CDC42BPB: variants seen among roughly 807,000 people sequenced by gnomAD.
CDC42BPB encodes the protein serine/threonine-protein kinase MRCK beta.
A neutral mutation model predicts 214.9 loss-of-function variants in CDC42BPB; 37 were observed. The observed-to-expected ratio is 0.17, with a 90% CI of 0.13 to 0.23. The LOEUF (loss-of-function observed/expected upper bound fraction) is 0.23. Ranked by LOEUF, CDC42BPB falls within the 10% of genes least tolerant of loss-of-function variation. The pLI is 1.00. For synonymous variants in CDC42BPB, 931 were observed against 884.0 expected (o/e 1.05, Z -0.94); for missense variants, 1,694 against 2,227.0 (o/e 0.76, Z 4.82).
chr14:102,998,521 A>G (rs749885571), intron 5 of CDC42BPB, among the ~76,000 whole-genome samples: 6 of 152,250 alleles, frequency 3.9e-5, no homozygotes, highest in Non-Finnish European at 7.3e-5. Flanking sequence ...ACGAAAACCA[A>G]AACAAACCAC....
intron 19 of CDC42BPB, among the ~76,000 whole-genome samples, chr14:102,963,644 G>C (rs1408506811): frequency 6.6e-6 from 1 of 152,232 alleles, no homozygotes; most frequent in African/African-American, 2.4e-5. Flanking sequence ...TGCAGTTTGT[G>C]GGGGCTGGTC....
intron 1 of CDC42BPB, among the ~76,000 whole-genome samples, chr14:103,018,473 A>T (rs1008220193): frequency 6.6e-6 from 1 of 152,236 alleles, no homozygotes; most frequent in Non-Finnish European, 1.5e-5. Flanking sequence ...TAAGATAACA[A>T]TGGTGGCTTA....
Position 102,975,989 on chromosome 14 carries a change from A to G in CDC42BPB, c.1281T>C (p.Asp427=). ...GCTCCAGGTCCCGCTGCACATCCTC[A>G]TCTTTGGTTAATGTGTTGGACTGCA... ...SIMQSNTLTK[D]EDVQRDLEHS... Residue 427 remains aspartate, a synonymous_variant, in exon 10 of 37, where the codon GAT becomes GAC. Transcript: ENST00000361246. 1 of 1,614,216 alleles carries G rather than the reference A, an allele frequency of 6.2e-7. No homozygotes were observed. The highest frequency in any genetic ancestry group is 1.3e-5 in the African/African-American group (1 of 75,056).
intron 26 of CDC42BPB, 53 bp downstream of exon 26, chr14:102,949,712 A>C (rs1892394238): frequency 3.1e-6 from 5 of 1,608,348 alleles, no homozygotes; most frequent in East Asian, 4.5e-5. Flanking sequence ...CTTTTGGCTA[A>C]AGATAGCTGA....
chr14:102,942,908 G>T (rs1035763508), intron 30 of CDC42BPB, among the ~76,000 whole-genome samples: 1 of 152,030 alleles, frequency 6.6e-6, no homozygotes, highest in Non-Finnish European at 1.5e-5. Flanking sequence ...TCGCTCTGTT[G>T]TCCAGGCTAG....
chr14:102,950,665 C>A, intron 24 of CDC42BPB, 63 bp from the exon 25 acceptor site: 4 of 1,443,506 alleles, frequency 2.8e-6, no homozygotes, highest in Middle Eastern at 1.8e-4. Flanking sequence ...ACTGCAGAAC[C>A]TATGCCCTGA....
chr14:103,016,370 A>C (rs1407946145), intron 1 of CDC42BPB, among the ~76,000 whole-genome samples: 1 of 152,240 alleles, frequency 6.6e-6, no homozygotes. Flanking sequence ...GTCTCCCTCC[A>C]GCACCTGCTT....
rs150841775 is a variant in CDC42BPB, at chr14:103,038,622, G to A, written c.175+18377C>T. Among the ~76,000 whole-genome samples the A allele has an allele frequency of 6.3e-3, 948 of 149,946 alleles. 5 individuals are homozygous for A. Among genetic ancestry groups the A allele is most frequent in the Admixed American group, 0.014 (212 of 14,632 alleles). On this transcript the variant is annotated intron_variant, in intron 1 of 36. Coordinates refer to ENST00000361246, the MANE Select transcript of CDC42BPB (RefSeq NM_006035.4). ...GCTTACTGCAAACTCCACCTCCTGG[G>A]TTCAAGCAATCCTCCCACCTCAGCC...
At chr14:102,934,116 G>T in intron 36 of CDC42BPB, 2 of 932,200 alleles carry the variant, frequency 2.1e-6, no homozygotes, top group Non-Finnish European at 2.8e-6. Flanking sequence ...ATCAGATGGG[G>T]CCGGACGCAG....
intron 32 of CDC42BPB, 47 bp from the exon 33 acceptor site, chr14:102,939,994 C>T (rs1473364319): frequency 1.2e-6 from 2 of 1,613,748 alleles, no homozygotes. Flanking sequence ...ACCAGGGACA[C>T]ACGCCCCTCC....
At chr14:102,956,417 G>C (rs1202400932) in intron 21 of CDC42BPB, 6 of 982,500 alleles carry the variant, frequency 6.1e-6, no homozygotes, top group Non-Finnish European at 6.0e-6. Context: ...CATGCAGGCA[G>C]CGTGGGATAA....
At chr14:103,013,962 A>G (rs529129098) in intron 1 of CDC42BPB, among the ~76,000 whole-genome samples, 128 of 152,222 alleles carry the variant, frequency 8.4e-4, no homozygotes, top group Middle Eastern at 3.4e-3. Flanking sequence ...TCAGGAGATC[A>G]AGACCATCCT....
chr14:102,984,297 A>G (rs1270415980), intron 6 of CDC42BPB, among the ~76,000 whole-genome samples: 1 of 152,152 alleles, frequency 6.6e-6, no homozygotes, highest in African/African-American at 2.4e-5. Context: ...TGCAGCACGC[A>G]GGGAGTCTTG....
chr14:102,946,835 G>A lies in CDC42BPB; in HGVS notation c.3532-151C>T, dbSNP rs991730658. On this transcript the variant is annotated intron_variant, in intron 27 of 36. Coordinates refer to ENST00000361246, the MANE Select transcript of CDC42BPB (RefSeq NM_006035.4). The stretch of plus-strand genomic sequence containing the variant: ...GACCCCTGACTCCACCTCGCTGGGC[G>A]CCTTGCAGAGGCTCCCGCGGCAGGA... 4.0e-5 allele frequency: 58 copies of A among 1,446,706 alleles called. 1 individual carries two copies. The highest frequency in any genetic ancestry group is 3.4e-4 in the African/African-American group (24 of 70,234). The allele number at this position is 1,446,706 out of a possible 1,614,324, so 89.6% of individuals were successfully genotyped here.
intron 9 of CDC42BPB, among the ~76,000 whole-genome samples, chr14:102,977,339 CAAAAAAAAAAA>C (rs56368090): frequency 4.7e-5 from 4 of 85,110 alleles, no homozygotes; most frequent in Admixed American, 1.5e-4. Context: ...ACTCCGTCTC[CAAAAAAAAAAA>C]AAAAAAAAAA....
intron 28 of CDC42BPB, among the ~76,000 whole-genome samples, chr14:102,946,176 ATTTTAT>A (rs567167495): frequency 1.4e-3 from 206 of 151,654 alleles, no homozygotes; most frequent in African/African-American, 4.6e-3. Flanking sequence ...GCCCAGCTAT[ATTTTAT>A]TTTTATTTTT....
rs543814822 is a variant in CDC42BPB, at chr14:102,976,747, T to C, written c.1221-698A>G. On this transcript the variant is annotated intron_variant, in intron 9 of 36. Transcript: ENST00000361246. The stretch of plus-strand genomic sequence containing the variant: ...TTAGAGAAGACCTGGTCAGTGTTTC[T>C]CCACAGGTGGTCTGAGGGTGCTGGG... Among the ~76,000 whole-genome samples the C allele has an allele frequency of 4.6e-4, 70 of 152,330 alleles. No individual in the cohort carries two copies. The South Asian group carries it at 5.4e-3, about 12-fold the overall frequency.
chr14:102,948,057 G>T, intron 26 of CDC42BPB: 1 of 739,798 alleles, frequency 1.4e-6, no homozygotes, highest in Non-Finnish European at 1.6e-6. Flanking sequence ...GGTGCCTCCA[G>T]ACTATGCCAG....
At chr14:103,038,715 C>CGGGGGGGGG (rs34311134) in intron 1 of CDC42BPB, among the ~76,000 whole-genome samples, 2 of 29,152 alleles carry the variant, frequency 6.9e-5, no homozygotes, top group African/African-American at 2.2e-4. Context: ...TTTGTAGAGA[C>CGGGGGGGGG]GGGGGGGGGG....
Sources: gnomAD v4.1 joint callset for allele counts (sites outside exome capture counted in the v4.1 genomes callset) on GRCh38, gnomAD v4.1.1 for gene constraint, MANE v1.5 for transcripts, NCBI Gene and HGNC (gene_info 2026-07-23, HGNC 2026-07-21) for gene names.